Variants in TYMS observed in about 807,000 individuals in gnomAD.
TYMS encodes thymidylate synthetase, also known as thymidylate synthase.
TYMS carries 21 observed loss-of-function variants against 39.3 expected under a neutral mutation model. The ratio of observed to expected loss-of-function variants is 0.54; its 90% CI spans 0.38 to 0.77. TYMS has a LOEUF of 0.77. TYMS is among the 30% of genes least tolerant of loss of function. The probability of loss-of-function intolerance (pLI) is 0.00; values close to 1 mark genes in which losing one functional copy is unlikely to be tolerated. For synonymous variants in TYMS, 171 were observed against 162.2 expected, an observed-to-expected ratio of 1.05 and a Z score of -0.41; for missense variants, 273 against 406.7, an observed-to-expected ratio of 0.67 and a Z score of 2.83.
intron 4 of TYMS, 54 bp from the exon 5 acceptor site, chr18:670,638 G>A (rs770854990): frequency 1.6e-5 from 25 of 1,591,056 alleles, no homozygotes; most frequent in Non-Finnish European, 2.1e-5. Context: ...TTTGCCTTTA[G>A]CTGTGGTCTT....
At chr18:668,106 T>C (rs2074892416) in intron 3 of TYMS, among the ~76,000 whole-genome samples, 1 of 150,720 alleles carries the variant, frequency 6.6e-6, no homozygotes, top group African/African-American at 2.4e-5. Flanking sequence ...GGTGCATTCC[T>C]CAGAGTTGTC....
In TYMS at chr18:658,114, G is replaced by T; in HGVS notation, c.205+167G>T. 3.1e-6 allele frequency: 5 copies of T among 1,587,528 alleles called. No homozygotes were observed. The highest frequency in any genetic ancestry group is 3.4e-6 in the Non-Finnish European group (4 of 1,170,586). On this transcript the variant is annotated intron_variant, in intron 1 of 6. Transcript: ENST00000323274. This position sits in a 1 kb window ranked among gnomAD's most constrained non-coding sequence, Gnocchi z 4.5. Reference sequence around the variant, plus strand: ...CGCCTTACAGACGCCGAAACGGAGGGTCCCATTAGGGACGTGACTGGCGCG... The same window carrying T: ...CGCCTTACAGACGCCGAAACGGAGGTTCCCATTAGGGACGTGACTGGCGCG...
At chr18:670,638 G>GAC in intron 4 of TYMS, 54 bp from the exon 5 acceptor site, 1 of 1,591,056 alleles carries the variant, frequency 6.3e-7, no homozygotes, top group Non-Finnish European at 8.6e-7. Context: ...TTTGCCTTTA[G>GAC]CTGTGGTCTT....
chr18:669,365 G>GTTTTT, intron 4 of TYMS, 192 bp downstream of exon 4: 8 of 340,422 alleles, frequency 2.4e-5, no homozygotes, highest in African/African-American at 3.2e-5. Context: ...GGGCCCAGAG[G>GTTTTT]ATTTTTTTTT....
At chr18:672,751 A>G in intron 6 of TYMS, 109 bp from the exon 7 acceptor site, 1 of 1,285,364 alleles carries the variant, frequency 7.8e-7, no homozygotes, top group South Asian at 1.8e-5. Context: ...ATACTCCTGT[A>G]AAATAGAACT....
In TYMS at chr18:660,543, C is replaced by A. The variant is rs2074746784; in HGVS notation, c.279+829C>A. On this transcript the variant is annotated intron_variant, in intron 2 of 6. Coordinates refer to ENST00000323274, the MANE Select transcript of TYMS (RefSeq NM_001071.4). The surrounding 1 kb of genome is among the most constrained non-coding windows in gnomAD (Gnocchi z 4.6). The stretch of plus-strand genomic sequence containing the variant: ...TCGCCAGGGCCTCAAACACAGCCTG[C>A]CACATAGTAGGAGTCAACATATATT... Among the ~76,000 whole-genome samples, 1 of 152,202 alleles carries A rather than the reference C, an allele frequency of 6.6e-6. No individual in the cohort carries two copies. Among genetic ancestry groups the A allele is most frequent in the African/African-American group, 2.4e-5 (1 of 41,450 alleles).
intron 3 of TYMS, among the ~76,000 whole-genome samples, chr18:666,632 C>G (rs181982947): frequency 6.6e-6 from 1 of 152,186 alleles, no homozygotes; most frequent in Non-Finnish European, 1.5e-5. Context: ...TCACCTCCAG[C>G]CACCTGGAGG....
At chr18:668,517 T>A (rs919043223) in intron 3 of TYMS, among the ~76,000 whole-genome samples, 2 of 152,172 alleles carry the variant, frequency 1.3e-5, no homozygotes, top group Non-Finnish European at 2.9e-5. Context: ...GTCAGTCGTG[T>A]GTTGAGCTGC....
At chr18:672,796 CAT>C in intron 6 of TYMS, 62 bp from the exon 7 acceptor site, 1 of 1,493,938 alleles carries the variant, frequency 6.7e-7, no homozygotes. Context: ...GTTTCACGGA[CAT>C]GAGGAGCAAT....
intron 3 of TYMS, among the ~76,000 whole-genome samples, chr18:666,572 A>C (rs1424079626): frequency 6.6e-6 from 1 of 152,222 alleles, no homozygotes; most frequent in Non-Finnish European, 1.5e-5. Context: ...AGCTGGGCAG[A>C]GACCAGCAAC....
chr18:670,423 C>T lies in TYMS; in HGVS notation c.557-269C>T, dbSNP rs35069638. 10 of 374,674 alleles carry T rather than the reference C, an allele frequency of 2.7e-5. 1 individual carries two copies. The highest frequency in any genetic ancestry group is 1.0e-4 in the African/African-American group (5 of 48,390). The allele number at this position is 374,674 out of a possible 1,614,324, so 23.2% of individuals were successfully genotyped here. The stretch of plus-strand genomic sequence containing the variant: ...CTGCTGTATTTGTAATCTGGTGCCA[C>T]GAGGTAGCCCAGATCCCTTCAGCTC... On this transcript the variant is annotated intron_variant, in intron 4 of 6. Coordinates refer to ENST00000323274, the MANE Select transcript of TYMS (RefSeq NM_001071.4).
At chr18:664,419 T>C (rs1478010377) in intron 3 of TYMS, among the ~76,000 whole-genome samples, 1 of 146,330 alleles carries the variant, frequency 6.8e-6, no homozygotes, top group Non-Finnish European at 1.5e-5. Flanking sequence ...GATTTTGGGC[T>C]GAGACAATGG....
At chr18:668,724 C>CTAAG (rs1297140511) in intron 3 of TYMS, among the ~76,000 whole-genome samples, 1 of 152,116 alleles carries the variant, frequency 6.6e-6, no homozygotes, top group Non-Finnish European at 1.5e-5. Context: ...GGTTTAGAGC[C>CTAAG]TAAGTTTGCG....
intron 4 of TYMS, chr18:669,426 G>A (rs1475321706): frequency 2.9e-6 from 1 of 340,416 alleles, no homozygotes; most frequent in Non-Finnish European, 5.4e-6. Context: ...AGGCTGGAAT[G>A]CAACGGCGTG....
intron 3 of TYMS, among the ~76,000 whole-genome samples, chr18:666,472 A>C (rs575241511): frequency 6.6e-6 from 1 of 152,214 alleles, no homozygotes; most frequent in African/African-American, 2.4e-5. Context: ...GTCACCTCTT[A>C]CTGGATGTCA....
At chr18:668,671 A>G (rs1401806686) in intron 3 of TYMS, among the ~76,000 whole-genome samples, 1 of 152,256 alleles carries the variant, frequency 6.6e-6, no homozygotes, top group Admixed American at 6.5e-5. Context: ...AGACAAGGAT[A>G]AAGTAGATTT....
chr18:661,834 A>C (rs2074758407), intron 2 of TYMS, among the ~76,000 whole-genome samples: 1 of 152,134 alleles, frequency 6.6e-6, no homozygotes. Context: ...AAAAATACAA[A>C]ATTAGCTGGG....
chr18:662,370 T>G (rs2612095), intron 3 of TYMS, 50 bp downstream of exon 3: 1 of 1,523,600 alleles, frequency 6.6e-7, no homozygotes, highest in East Asian at 2.3e-5. Flanking sequence ...CTTCCTAGCA[T>G]GTGTTTGCTC....
chr18:666,993 TGATGGA>T (rs1329441123), intron 3 of TYMS, among the ~76,000 whole-genome samples: 116 of 5,870 alleles, frequency 0.02, 22 homozygotes, highest in African/African-American at 0.031. Context: ...ATGGTGATGG[TGATGGA>T]GATGGTGATG....
Sources: allele counts gnomAD v4.1 joint callset (sites outside exome capture counted in the v4.1 genomes callset), GRCh38; gene constraint gnomAD v4.1.1; non-coding constraint Gnocchi (gnomAD v3.1); transcripts MANE v1.5; gene names NCBI Gene and HGNC (gene_info 2026-07-23, HGNC 2026-07-21).